Variants in DRAXIN observed in about 807,000 individuals in gnomAD.
DRAXIN encodes dorsal inhibitory axon guidance protein.
DRAXIN carries 27 observed loss-of-function variants against 33.9 expected under a neutral mutation model. The ratio of observed to expected loss-of-function variants is 0.80; its 90% CI spans 0.59 to 1.10. The LOEUF (loss-of-function observed/expected upper bound fraction) is 1.10, where lower values mean the gene tolerates loss of function less well. Ranked by LOEUF, DRAXIN falls within the 50% of genes least tolerant of loss-of-function variation. The pLI, the probability that DRAXIN is intolerant of heterozygous loss-of-function variation, is 0.00. For missense variants in DRAXIN, 371 were observed against 460.8 expected (o/e 0.81, Z 1.78); for synonymous variants, 178 against 194.0 (o/e 0.92, Z 0.69).
At chr1:11,701,304 T>C (rs934153264) in intron 1 of DRAXIN, among the ~76,000 whole-genome samples, 3 of 152,200 alleles carry the variant, frequency 2.0e-5, no homozygotes, top group African/African-American at 7.2e-5. Flanking sequence ...GGCCTTGAGA[T>C]GGGCTTTGCC....
In DRAXIN at chr1:11,723,233, G is replaced by A. The variant is rs1641681712; in HGVS notation, c.*3537G>A. 6.6e-6 allele frequency: 1 copy of A among 152,202 alleles called. No homozygotes were observed. The highest frequency in any genetic ancestry group is 1.5e-5 in the Non-Finnish European group (1 of 68,044). 9.4% of individuals were successfully genotyped at this position (152,202 alleles called of 1,614,324 possible). A position where few individuals can be genotyped will look rare whatever the true frequency, so the allele number is the denominator to read the frequency against. On this transcript the variant is annotated 3_prime_UTR_variant, in exon 7 of 7. Transcript: ENST00000294485. ...GCAGTGGGGCAGATTTGGCCTGAGG[G>A]TCACGGTTTGCCAACCCCTGCTCAA...
In DRAXIN at chr1:11,721,702, T is replaced by C. The variant is rs772638046; in HGVS notation, c.*2006T>C. On this transcript the variant is annotated 3_prime_UTR_variant, in exon 7 of 7. Transcript: ENST00000294485. ...AAGCAGGCTAGCTGAAAGGCAGATATGGCTAGACACAATGGCTCATGCCTG... is the reference window on the plus strand; with the variant it reads ...AAGCAGGCTAGCTGAAAGGCAGATACGGCTAGACACAATGGCTCATGCCTG... The C allele has an allele frequency of 3.9e-5, 6 of 152,184 alleles. No individual in the cohort carries two copies. Among genetic ancestry groups the C allele is most frequent in the African/African-American group, 1.5e-4 (6 of 41,360 alleles). The allele number at this position is 152,184 out of a possible 1,614,324, so 9.4% of individuals were successfully genotyped here.
chr1:11,689,167 T>G (rs969582388), upstream of DRAXIN, among the ~76,000 whole-genome samples: 2 of 151,650 alleles, frequency 1.3e-5, no homozygotes, highest in Non-Finnish European at 2.9e-5. Context: ...CATGGCGGTG[T>G]GTGCCTGTAA....
At chr1:11,686,923 A>C (rs911612506), upstream of DRAXIN, among the ~76,000 whole-genome samples, 5 of 151,986 alleles carry the variant, frequency 3.3e-5, no homozygotes, top group African/African-American at 1.2e-4. Flanking sequence ...AATGTTGTAC[A>C]TCGCTACTCT....
rs1272118030 is a variant in DRAXIN at position 11,706,662 on chromosome 1, G to A, written c.404G>A (p.Arg135His). The change falls in exon 2 of 7, where the codon CGC (arginine) becomes CAC (histidine). Residue 135 changes from arginine (R) to histidine (H), a missense_variant. Arg to His is a conservative substitution (Grantham distance 29). Transcript: ENST00000294485. This position sits in a 1 kb window ranked among gnomAD's most constrained non-coding sequence, Gnocchi z 5.5. The stretch of plus-strand genomic sequence containing the variant: ...CCAGGTTGGGAGAGGACCAGGAAAC[G>A]CAGCAGGGAGCACAAGAGACGCAGG... Reference protein sequence around the residue: ...RPPGWERTRKRSREHKRRRDR... With the variant: ...RPPGWERTRKHSREHKRRRDR... The A allele has an allele frequency of 1.3e-6, 2 of 1,597,422 alleles. No individual in the cohort carries two copies. The highest frequency in any genetic ancestry group is 1.7e-6 in the Non-Finnish European group (2 of 1,178,834).
upstream of DRAXIN, among the ~76,000 whole-genome samples, chr1:11,690,065 A>G (rs1641033560): frequency 6.6e-6 from 1 of 152,136 alleles, no homozygotes; most frequent in Non-Finnish European, 1.5e-5. This position sits in a 1 kb window ranked among gnomAD's most constrained non-coding sequence, Gnocchi z 4.2. Flanking sequence ...AACTTTATGT[A>G]AAACAACACC....
intron 6 of DRAXIN, among the ~76,000 whole-genome samples, chr1:11,716,696 A>C (rs745616304): frequency 6.6e-6 from 1 of 152,096 alleles, no homozygotes; most frequent in Non-Finnish European, 1.5e-5. Flanking sequence ...TTTTTGAGAC[A>C]GGGTTTCACT....
chr1:11,710,652 T>C (rs2336033), intron 3 of DRAXIN, among the ~76,000 whole-genome samples: 5,638 of 151,412 alleles, frequency 0.037, 307 homozygotes, highest in African/African-American at 0.11. Flanking sequence ...CGGTGGCTCA[T>C]GCCTGTAATC....
upstream of DRAXIN, among the ~76,000 whole-genome samples, chr1:11,690,885 A>G (rs911989787): frequency 7.2e-5 from 11 of 152,020 alleles, no homozygotes; most frequent in African/African-American, 2.7e-4. This position sits in a 1 kb window ranked among gnomAD's most constrained non-coding sequence, Gnocchi z 4.2. Flanking sequence ...GAGAAGCTTC[A>G]GGCCGGCTTT....
chr1:11,708,020 G>C (rs1309941414), intron 2 of DRAXIN, among the ~76,000 whole-genome samples: 1 of 152,254 alleles, frequency 6.6e-6, no homozygotes. Flanking sequence ...GCTGAGGCTG[G>C]CTTCCCTGTG....
Position 11,695,955 on chromosome 1 carries a change from G to T in DRAXIN, c.-11+4102G>T, listed in dbSNP as rs543687301. 5.3e-5 allele frequency among the ~76,000 whole-genome samples: 8 copies of T among 152,272 alleles called. No individual in the cohort carries two copies. The East Asian group carries it at 1.5e-3, about 29-fold the overall frequency. On this transcript the variant is annotated intron_variant, in intron 1 of 6. Transcript: ENST00000294485. The stretch of plus-strand genomic sequence containing the variant: ...CCTGTACAGGTTTTTAAGGTGTGAG[G>T]TCTGGGGTGGGTTGAAAATCCCAAG...
intron 5 of DRAXIN, among the ~76,000 whole-genome samples, chr1:11,714,872 C>T (rs1309098914): frequency 1.3e-5 from 2 of 152,270 alleles, no homozygotes; most frequent in East Asian, 1.9e-4. Context: ...ACACCACCTT[C>T]GCTCTTCCCA....
At chr1:11,707,185 A>G (rs569653404) in intron 2 of DRAXIN, among the ~76,000 whole-genome samples, 1 of 152,330 alleles carries the variant, frequency 6.6e-6, no homozygotes, top group East Asian at 1.9e-4. Context: ...TGGGTGACAG[A>G]GCGAGACTCC....
At chr1:11,689,470 C>A (rs1199873444), upstream of DRAXIN, among the ~76,000 whole-genome samples, 1 of 152,038 alleles carries the variant, frequency 6.6e-6, no homozygotes. Flanking sequence ...GTGGTGTGCA[C>A]CTGTAATCCC....
intron 4 of DRAXIN, 52 bp downstream of exon 4, chr1:11,712,017 C>T: frequency 6.5e-7 from 1 of 1,549,146 alleles, no homozygotes. Context: ...TGCCCTCCCG[C>T]ACCATCTGTT....
At chr1:11,695,038 C>G (rs1168405485) in intron 1 of DRAXIN, among the ~76,000 whole-genome samples, 1 of 152,094 alleles carries the variant, frequency 6.6e-6, no homozygotes, top group Non-Finnish European at 1.5e-5. Flanking sequence ...TGGGTCAGGC[C>G]CCAGCTCATG....
rs891882770 is a variant in DRAXIN at position 11,725,672 on chromosome 1, G to C, written c.*5976G>C. The stretch of plus-strand genomic sequence containing the variant: ...TTTATTTTTGGAGGCAATGAATGGA[G>C]CACCTCGGCCTGGGACCCTCAGTGT... On this transcript the variant is annotated 3_prime_UTR_variant, in exon 7 of 7. Transcript: ENST00000294485. 1 of 152,232 alleles carries C rather than the reference G, an allele frequency of 6.6e-6. No homozygotes were observed. The highest frequency in any genetic ancestry group is 2.4e-5 in the African/African-American group (1 of 41,448). The allele number at this position is 152,232 out of a possible 1,614,324, so 9.4% of individuals were successfully genotyped here.
At chr1:11,713,154 T>TTGGTGGA (rs1641523998) in intron 5 of DRAXIN, among the ~76,000 whole-genome samples, 1 of 151,558 alleles carries the variant, frequency 6.6e-6, no homozygotes, top group Non-Finnish European at 1.5e-5. Flanking sequence ...GCTGAGATCG[T>TTGGTGGA]GCCATTGCAC....
At chr1:11,708,190 C>T (rs1641420821) in intron 2 of DRAXIN, among the ~76,000 whole-genome samples, 1 of 152,220 alleles carries the variant, frequency 6.6e-6, no homozygotes, top group Non-Finnish European at 1.5e-5. Context: ...ACCCGTCCTG[C>T]TGGGCTCCGG....
Sources: allele counts gnomAD v4.1 joint callset (sites outside exome capture counted in the v4.1 genomes callset), GRCh38; gene constraint gnomAD v4.1.1; non-coding constraint Gnocchi (gnomAD v3.1); transcripts MANE v1.5; gene names NCBI Gene and HGNC (gene_info 2026-07-23, HGNC 2026-07-21).